Variants in ANTXRL observed in about 807,000 individuals in gnomAD.
ANTXRL encodes the protein ANTXR like, also known as anthrax toxin receptor-like.
ANTXRL carries 63 observed loss-of-function variants against 75.4 expected under a neutral mutation model. That is an observed-to-expected ratio of 0.84 (90% confidence interval 0.68 to 1.03). The LOEUF is 1.03. Among genes scored for constraint, ANTXRL ranks in the 50% least tolerant of loss-of-function variants. The pLI is 0.00. For synonymous variants in ANTXRL, 335 were observed against 291.3 expected, an observed-to-expected ratio of 1.15 and a Z score of -1.53; for missense variants, 797 against 789.4, an observed-to-expected ratio of 1.01 and a Z score of -0.12.
intron 1 of ANTXRL, 127 bp from the exon 2 acceptor site, chr10:46,291,931 C>T (rs543910548): frequency 4.8e-6 from 4 of 836,126 alleles, no homozygotes; most frequent in Non-Finnish European, 7.6e-6. Context: ...GGGGTGTACC[C>T]CAGCCTCAGC....
At chr10:46,291,963 T>G in intron 1 of ANTXRL, 95 bp from the exon 2 acceptor site, 1 of 1,167,402 alleles carries the variant, frequency 8.6e-7, no homozygotes. Flanking sequence ...CAGGAGAGCT[T>G]GTTAAGAGCC....
At chr10:46,321,835 G>A (rs1415690541) in intron 16 of ANTXRL, among the ~76,000 whole-genome samples, 1 of 152,100 alleles carries the variant, frequency 6.6e-6, no homozygotes, top group South Asian at 2.1e-4. Context: ...GAGCGTATCT[G>A]ATTATCATCA....
chr10:46,288,434 C>T (rs1554955778), intron 1 of ANTXRL, among the ~76,000 whole-genome samples: 1 of 152,106 alleles, frequency 6.6e-6, no homozygotes. Context: ...TGCACACTTT[C>T]CAGCATCGCA....
chr10:46,309,843 G>A lies in ANTXRL; in HGVS notation c.1135-618G>A, dbSNP rs560228932. Reference sequence around the variant, plus strand: ...AGGGTGAAATGTCCACCCCACAGGAGTGGGAAGGGCTCCCTGTAAGGCGGA... The same window carrying A: ...AGGGTGAAATGTCCACCCCACAGGAATGGGAAGGGCTCCCTGTAAGGCGGA... On this transcript the variant is annotated intron_variant, in intron 13 of 16. Transcript: ENST00000620264. 3.9e-5 allele frequency among the ~76,000 whole-genome samples: 6 copies of A among 152,314 alleles called. No individual in the cohort carries two copies. In the South Asian group the frequency reaches 1.2e-3, roughly 32 times the overall value.
chr10:46,327,370 T>C (rs115742734), intron 16 of ANTXRL, among the ~76,000 whole-genome samples: 3,433 of 150,270 alleles, frequency 0.023, 121 homozygotes, highest in African/African-American at 0.079. Context: ...ATGGGTGGAG[T>C]CAGGGAGAGC....
At chr10:46,294,074 C>T (rs1837221657) in intron 3 of ANTXRL, 174 bp downstream of exon 3, 4 of 606,208 alleles carry the variant, frequency 6.6e-6, no homozygotes, top group Middle Eastern at 8.7e-4. Flanking sequence ...CCTGCATCCT[C>T]CTACCCATGG....
chr10:46,292,066 G>A lies in ANTXRL; in HGVS notation c.257G>A (p.Ser86Asn). The change falls in exon 2 of 17, where the codon AGC becomes AAC. Residue 86 changes from serine (S) to asparagine (N), a missense_variant. By Grantham distance (46) the Ser-to-Asn change is conservative. Around this residue, in one of 3 missense-constraint regions of ANTXRL, gnomAD observed 262 missense variants for 271.9 expected, o/e 0.96. Transcript: ENST00000620264. ...ATCTCCTTTTGTTTTAGGTCTGGCAGCGTGAACAATAACTGGATTGACCTT... is the reference window on the plus strand; with the variant it reads ...ATCTCCTTTTGTTTTAGGTCTGGCAACGTGAACAATAACTGGATTGACCTT... ...DLYFILDKSG[S>N]VNNNWIDLYM... 6.5e-7 allele frequency: 1 copy of A among 1,536,284 alleles called. No individual in the cohort carries two copies.
intron 16 of ANTXRL, among the ~76,000 whole-genome samples, chr10:46,317,694 AC>A (rs1160647552): frequency 6.6e-6 from 1 of 150,962 alleles, no homozygotes; most frequent in African/African-American, 2.5e-5. Context: ...CCTCAGCACC[AC>A]CCCTCCAACC....
At chr10:46,293,572 T>C (rs1554957494) in intron 2 of ANTXRL, among the ~76,000 whole-genome samples, 1 of 147,942 alleles carries the variant, frequency 6.8e-6, no homozygotes, top group African/African-American at 2.5e-5. Flanking sequence ...TGCCTGTGTG[T>C]GCGCGTGTGT....
intron 9 of ANTXRL, among the ~76,000 whole-genome samples, chr10:46,302,468 C>T (rs143928990): frequency 2.0e-5 from 3 of 152,274 alleles, no homozygotes; most frequent in Non-Finnish European, 4.4e-5. Context: ...CTTTCCTGAG[C>T]GTGTTGGTTC....
intron 16 of ANTXRL, among the ~76,000 whole-genome samples, chr10:46,328,164 A>C (rs1565059790): frequency 1.3e-5 from 2 of 152,178 alleles, no homozygotes; most frequent in African/African-American, 4.8e-5. Flanking sequence ...AGCTGGGAGC[A>C]AGGATAAGGG....
intron 3 of ANTXRL, among the ~76,000 whole-genome samples, chr10:46,295,167 C>T (rs1837289277): frequency 6.6e-6 from 1 of 152,132 alleles, no homozygotes; most frequent in African/African-American, 2.4e-5. Flanking sequence ...GTCAAGGAGG[C>T]CAGACACTCT....
intron 12 of ANTXRL, chr10:46,308,413 C>T (rs1554962517): frequency 9.1e-6 from 3 of 328,588 alleles, no homozygotes; most frequent in South Asian, 6.7e-5. Flanking sequence ...CCCTCCCCTC[C>T]CCTCCCCTCC....
chr10:46,304,585 T>C (rs547625912), intron 10 of ANTXRL, among the ~76,000 whole-genome samples: 1 of 152,320 alleles, frequency 6.6e-6, no homozygotes, highest in South Asian at 2.1e-4. Flanking sequence ...ATATTTTTGT[T>C]ATCAGGCATA....
intron 1 of ANTXRL, among the ~76,000 whole-genome samples, chr10:46,287,765 A>G (rs1253181333): frequency 1.3e-5 from 2 of 152,146 alleles, no homozygotes; most frequent in Admixed American, 6.5e-5. Context: ...CTACCCCTCC[A>G]TCAGCTGGGT....
intron 10 of ANTXRL, among the ~76,000 whole-genome samples, chr10:46,304,742 G>T (rs1355372438): frequency 6.6e-6 from 1 of 152,162 alleles, no homozygotes; most frequent in African/African-American, 2.4e-5. Context: ...GGAAGAGCCT[G>T]CCCAGGGCCA....
At chr10:46,299,965 G>C (rs1367077285) in intron 9 of ANTXRL, among the ~76,000 whole-genome samples, 2 of 152,176 alleles carry the variant, frequency 1.3e-5, no homozygotes, top group South Asian at 4.1e-4. Flanking sequence ...GTCTCTTTCT[G>C]TTCCTCCTGA....
Position 46,302,818 on chromosome 10 carries a change from T to C in ANTXRL, c.893T>C (p.Ile298Thr). ...CRFIFNESTI[I>T]DEKPTSIDNN... ...TTTATCTTCAATGAAAGCACTATCA[T>C]TGGTAAGTTGTCTCCTCTGTGCCTC... is the stretch of plus-strand genomic sequence containing the variant. Residue 298 changes from isoleucine to threonine, a missense_variant and splice_region_variant, in exon 10 of 17, where the codon ATT (isoleucine) becomes ACT (threonine). By Grantham distance (89) the Ile-to-Thr change is moderately conservative. Coordinates refer to ENST00000620264, the MANE Select transcript of ANTXRL (RefSeq NM_001278688.3). 6.5e-7 allele frequency: 1 copy of C among 1,531,764 alleles called. No homozygotes were observed. The allele number at this position is 1,531,764 out of a possible 1,614,324, so 94.9% of individuals were successfully genotyped here. A position where few individuals can be genotyped will look rare whatever the true frequency, so the allele number is the denominator to read the frequency against.
chr10:46,297,114 G>A, intron 5 of ANTXRL, 138 bp from the exon 6 acceptor site: 1 of 703,934 alleles, frequency 1.4e-6, no homozygotes, highest in Admixed American at 2.5e-5. Context: ...CCTCTCCTCT[G>A]GAGGATGAGG....
Sources: allele counts gnomAD v4.1 joint callset (sites outside exome capture counted in the v4.1 genomes callset), GRCh38; gene constraint gnomAD v4.1.1; regional missense constraint gnomAD v4.1.1; transcripts MANE v1.5; gene names NCBI Gene and HGNC (gene_info 2026-07-23, HGNC 2026-07-21).